Variants in NEK1 observed in about 807,000 individuals in gnomAD.
The protein encoded by NEK1 is NIMA related kinase 1.
A neutral mutation model predicts 182.1 loss-of-function variants in NEK1; 137 were observed. The ratio of observed to expected loss-of-function variants is 0.75; its 90% CI spans 0.65 to 0.87. The LOEUF (loss-of-function observed/expected upper bound fraction) is 0.87. Among genes scored for constraint, NEK1 ranks in the 40% least tolerant of loss-of-function variants. The probability of loss-of-function intolerance (pLI) is 0.00; values close to 1 mark genes in which losing one functional copy is unlikely to be tolerated. For synonymous variants in NEK1, 513 were observed against 492.2 expected, an observed-to-expected ratio of 1.04 and a Z score of -0.56; for missense variants, 1,391 against 1,494.4, an observed-to-expected ratio of 0.93 and a Z score of 1.14.
chr4:169,450,177 T>C (rs1474312162), intron 27 of NEK1, among the ~76,000 whole-genome samples: 4 of 151,960 alleles, frequency 2.6e-5, no homozygotes, highest in Admixed American at 6.6e-5. Context: ...TATGACACTA[T>C]GTGAAAAGAC....
chr4:169,461,194 A>G (rs746012046), intron 27 of NEK1, among the ~76,000 whole-genome samples: 26 of 152,108 alleles, frequency 1.7e-4, no homozygotes, highest in Non-Finnish European at 3.1e-4. Context: ...ACATGAAGCT[A>G]CCTCCACATA....
At chr4:169,570,660 A>C (rs957610978) in intron 12 of NEK1, among the ~76,000 whole-genome samples, 1 of 151,952 alleles carries the variant, frequency 6.6e-6, no homozygotes, top group African/African-American at 2.4e-5. Context: ...CCCGGCCACC[A>C]CCCCATCTGG....
intron 27 of NEK1, among the ~76,000 whole-genome samples, chr4:169,460,026 T>C (rs1743660801): frequency 6.6e-6 from 1 of 152,118 alleles, no homozygotes. Context: ...CTATACACTT[T>C]GGTGATAATG....
intron 2 of NEK1, 33 bp downstream of exon 2, chr4:169,611,987 T>C (rs1772397213): frequency 1.3e-5 from 2 of 152,282 alleles, no homozygotes; most frequent in Admixed American, 6.5e-5. Flanking sequence ...TTTACCATTT[T>C]GCATGTCATT....
chr4:169,529,889 T>C (rs891648297), intron 19 of NEK1, among the ~76,000 whole-genome samples: 1 of 152,112 alleles, frequency 6.6e-6, no homozygotes, highest in Admixed American at 6.6e-5. Flanking sequence ...AAAATAACAC[T>C]GACAACAAAT....
At chr4:169,609,851 T>C (rs2150169544) in intron 2 of NEK1, among the ~76,000 whole-genome samples, 1 of 152,282 alleles carries the variant, frequency 6.6e-6, no homozygotes, top group East Asian at 1.9e-4. Context: ...ATTTCTCCAA[T>C]TAAAATCCTT....
rs540939819 is a variant in NEK1, at chr4:169,493,369, T to TG, written c.2007+13667dup. Reference sequence around the variant, plus strand: ...TGAGAAGGAATCAGTGAAAGAACTCTGGAAGTACAAAAAGCCAAGGTGCTT... The same window carrying TG: ...TGAGAAGGAATCAGTGAAAGAACTCTGGGAAGTACAAAAAGCCAAGGTGCTT... On this transcript the variant is annotated intron_variant, in intron 23 of 35. Transcript: ENST00000507142. 1.6e-3 allele frequency among the ~76,000 whole-genome samples: 245 copies of TG among 152,326 alleles called. 3 individuals are homozygous for TG. Among genetic ancestry groups the TG allele is most frequent in the Non-Finnish European group, 2.9e-3 (198 of 68,028 alleles).
chr4:169,549,362 C>A (rs769776341), intron 18 of NEK1, among the ~76,000 whole-genome samples: 2 of 152,176 alleles, frequency 1.3e-5, no homozygotes, highest in Non-Finnish European at 2.9e-5. Context: ...GCCTTCTGTG[C>A]CGATCTTGTT....
chr4:169,482,733 T>A (rs1053838885), intron 23 of NEK1, among the ~76,000 whole-genome samples: 4 of 151,972 alleles, frequency 2.6e-5, no homozygotes, highest in Non-Finnish European at 4.4e-5. Flanking sequence ...CCCTCCTGGA[T>A]TTACATGATT....
chr4:169,497,023 C>T (rs1449939160), intron 23 of NEK1, among the ~76,000 whole-genome samples: 1 of 152,160 alleles, frequency 6.6e-6, no homozygotes, highest in Admixed American at 6.5e-5. Flanking sequence ...GGCTGTGAAT[C>T]CATCTGGTCC....
chr4:169,523,960 TAAG>T (rs1272805333), intron 19 of NEK1, among the ~76,000 whole-genome samples: 2 of 152,188 alleles, frequency 1.3e-5, no homozygotes, highest in Non-Finnish European at 2.9e-5. Context: ...GATGAGTTAA[TAAG>T]AAAGTAACAT....
chr4:169,399,424 A>G (rs1731261497), intron 35 of NEK1, among the ~76,000 whole-genome samples: 1 of 151,668 alleles, frequency 6.6e-6, no homozygotes, highest in Admixed American at 6.6e-5. Context: ...TAAAAATACA[A>G]AAAGTAGTCA....
intron 26 of NEK1, among the ~76,000 whole-genome samples, chr4:169,464,453 G>T (rs1744556558): frequency 6.6e-6 from 1 of 152,140 alleles, no homozygotes; most frequent in African/African-American, 2.4e-5. Flanking sequence ...TGGCTGGAGG[G>T]TCTTTTTGTC....
At chr4:169,570,926 A>G (rs1437236215) in intron 12 of NEK1, among the ~76,000 whole-genome samples, 4 of 152,124 alleles carry the variant, frequency 2.6e-5, no homozygotes, top group Admixed American at 1.3e-4. Flanking sequence ...ACTCAGGGTT[A>G]AATGGATTAA....
At chr4:169,508,882 A>G (rs1243024931) in intron 19 of NEK1, 30 bp from the exon 20 acceptor site, 5 of 1,506,182 alleles carry the variant, frequency 3.3e-6, no homozygotes, top group Non-Finnish European at 4.5e-6. Flanking sequence ...CTAAGTTTAA[A>G]GAATGACTAA....
chr4:169,433,007 C>T lies in NEK1; in HGVS notation c.2885+538G>A, dbSNP rs907529162. On this transcript the variant is annotated intron_variant, in intron 29 of 35. Coordinates refer to ENST00000507142, the MANE Select transcript of NEK1 (RefSeq NM_001199397.3). The stretch of plus-strand genomic sequence containing the variant: ...CTCGAGCTCCTGTCCTCAGGTGATC[C>T]GTCCTCCTCGGCCTCCCAAAGTACT... Among the ~76,000 whole-genome samples the T allele has an allele frequency of 7.3e-5, 11 of 150,536 alleles. No homozygotes were observed. The South Asian group carries it at 1.1e-3, about 14-fold the overall frequency.
intron 8 of NEK1, among the ~76,000 whole-genome samples, chr4:169,587,904 CT>C (rs1477153787): frequency 6.6e-6 from 1 of 151,752 alleles, no homozygotes; most frequent in Non-Finnish European, 1.5e-5. Context: ...AAAACTCAAA[CT>C]TTTTTCAATT....
chr4:169,417,342 T>G (rs1734714336), intron 31 of NEK1, among the ~76,000 whole-genome samples: 2 of 152,220 alleles, frequency 1.3e-5, no homozygotes, highest in South Asian at 4.1e-4. Flanking sequence ...GAATATTAGT[T>G]AAGCAGCAGA....
chr4:169,544,215 T>C (rs1307886119), intron 18 of NEK1, among the ~76,000 whole-genome samples: 1 of 152,224 alleles, frequency 6.6e-6, no homozygotes, highest in African/African-American at 2.4e-5. Context: ...TCTGCATCTA[T>C]TGAGATAATC....
Sources: gnomAD v4.1 joint callset for allele counts (sites outside exome capture counted in the v4.1 genomes callset) on GRCh38, gnomAD v4.1.1 for gene constraint, MANE v1.5 for transcripts, NCBI Gene and HGNC (gene_info 2026-07-23, HGNC 2026-07-21) for gene names.